The following AFAP1L2 variants were observed in gnomAD, a reference collection of about 807,000 sequenced individuals.
The protein encoded by AFAP1L2 is actin filament associated protein 1 like 2.
AFAP1L2 carries 46 observed loss-of-function variants against 99.3 expected under a neutral mutation model. The observed-to-expected ratio is 0.46, with a 90% confidence interval of 0.37 to 0.59. The LOEUF (loss-of-function observed/expected upper bound fraction) is 0.59. Among genes scored for constraint, AFAP1L2 ranks in the 20% least tolerant of loss-of-function variants. The pLI, the probability that AFAP1L2 is intolerant of heterozygous loss-of-function variation, is 0.00. For synonymous variants in AFAP1L2, 397 were observed against 419.1 expected (o/e 0.95, Z 0.64); for missense variants, 959 against 1,034.9 (o/e 0.93, Z 1.01).
Position 114,307,796 on chromosome 10 carries a change from A to G in AFAP1L2, c.1072+9T>C. ...AGCCTGTGGTCCCGGAGGTAGCTAC[A>G]ATTCTTACTGGATGTCTCGAGGGAC... is the stretch of plus-strand genomic sequence containing the variant. On this transcript the variant is annotated intron_variant, in intron 10 of 18. Transcript: ENST00000304129. 6.2e-7 allele frequency: 1 copy of G among 1,611,722 alleles called. No homozygotes were observed. The highest frequency in any genetic ancestry group is 8.5e-7 in the Non-Finnish European group (1 of 1,178,038).
chr10:114,296,591 CTATG>C (rs1238422755), intron 18 of AFAP1L2: 1 of 238,600 alleles, frequency 4.2e-6, no homozygotes, highest in African/African-American at 2.2e-5. Flanking sequence ...TTCAAACCAC[CTATG>C]TGAGTCTGTT....
intron 5 of AFAP1L2, among the ~76,000 whole-genome samples, chr10:114,322,136 C>T (rs948365931): frequency 1.1e-4 from 16 of 152,196 alleles, no homozygotes; most frequent in Non-Finnish European, 8.8e-5. Context: ...CTTTGCTCTT[C>T]GTCTTCCACC....
At chr10:114,287,425 C>A in the AFAP1L2 span, among the ~76,000 whole-genome samples, 1 of 152,106 alleles carries the variant, frequency 6.6e-6, no homozygotes, top group Non-Finnish European at 1.5e-5. Context: ...AAGCAATCCA[C>A]CCACCTCAGC....
intron 1 of AFAP1L2, among the ~76,000 whole-genome samples, chr10:114,375,365 C>T (rs1020406141): frequency 1.3e-5 from 2 of 152,174 alleles, no homozygotes; most frequent in African/African-American, 4.8e-5. Flanking sequence ...AGCCCCAATT[C>T]TAGAGCAGGC....
intron 18 of AFAP1L2, 21 bp from the exon 19 acceptor site, chr10:114,296,089 C>G: frequency 7.4e-6 from 12 of 1,614,082 alleles, no homozygotes; most frequent in African/African-American, 1.3e-5. Context: ...ATTCAAATAC[C>G]AGCACCCACC....
intron 1 of AFAP1L2, among the ~76,000 whole-genome samples, chr10:114,347,002 T>C (rs1393176599): frequency 6.6e-6 from 1 of 152,240 alleles, no homozygotes; most frequent in East Asian, 1.9e-4. Context: ...CCTGCTGTTC[T>C]ATGCACACAT....
chr10:114,342,465 G>A (rs1419654049), intron 1 of AFAP1L2, among the ~76,000 whole-genome samples: 2 of 152,216 alleles, frequency 1.3e-5, no homozygotes, highest in African/African-American at 2.4e-5. Flanking sequence ...CCTCAAATCT[G>A]TGAATATGCT....
intron 10 of AFAP1L2, among the ~76,000 whole-genome samples, chr10:114,305,334 T>C (rs2042019670): frequency 7.0e-6 from 1 of 143,226 alleles, no homozygotes; most frequent in African/African-American, 2.7e-5. Flanking sequence ...GGGTCGCGGA[T>C]GCAGGAGGGG....
At chr10:114,314,108 T>G (rs2043727768) in intron 6 of AFAP1L2, 58 bp from the exon 7 acceptor site, 10 of 1,545,238 alleles carry the variant, frequency 6.5e-6, no homozygotes, top group Middle Eastern at 1.7e-4. Context: ...GGAGGTGATG[T>G]CTGCAAAGGA....
intron 4 of AFAP1L2, among the ~76,000 whole-genome samples, chr10:114,329,246 G>A (rs2046885049): frequency 6.6e-6 from 1 of 152,164 alleles, no homozygotes; most frequent in Non-Finnish European, 1.5e-5. Context: ...CACACTCAGT[G>A]TCTGAGGCAC....
At chr10:114,349,383 C>CAAAAA (rs113553514) in intron 1 of AFAP1L2, among the ~76,000 whole-genome samples, 81 of 85,012 alleles carry the variant, frequency 9.5e-4, no homozygotes, top group Middle Eastern at 7.0e-3. Context: ...AACTCGGTCT[C>CAAAAA]AAAAAAAAAA....
At chr10:114,367,384 A>G (rs1040375725) in intron 1 of AFAP1L2, among the ~76,000 whole-genome samples, 4 of 152,298 alleles carry the variant, frequency 2.6e-5, no homozygotes, top group Admixed American at 2.6e-4. Flanking sequence ...TTCCATCCCT[A>G]AAATGCCAGG....
In AFAP1L2 at chr10:114,299,323, C is replaced by T; in HGVS notation, c.2050G>A (p.Gly684Arg). 4 of 1,614,250 alleles carry T rather than the reference C, an allele frequency of 2.5e-6. No individual in the cohort carries two copies. The highest frequency in any genetic ancestry group is 2.5e-6 in the Non-Finnish European group (3 of 1,180,046). ...TCTTTCCGGAGCTGAGCCAGGTGCC[C>T]CCGGATTTCTTCCTTCTTCTTTTCA... is the stretch of plus-strand genomic sequence containing the variant. ...RLEKKKEEIR[G>R]HLAQLRKEKR... Residue 684 changes from glycine (G) to arginine (R), a missense_variant, in exon 16 of 19, where the codon GGG becomes AGG. Coordinates refer to ENST00000304129, the MANE Select transcript of AFAP1L2 (RefSeq NM_001001936.3).
intron 6 of AFAP1L2, among the ~76,000 whole-genome samples, 192 bp downstream of exon 6, chr10:114,315,368 T>C (rs2043952247): frequency 6.6e-6 from 1 of 152,150 alleles, no homozygotes; most frequent in African/African-American, 2.4e-5. Flanking sequence ...ACCTTTCTGG[T>C]TCAGAAAAAG....
At chr10:114,384,849 T>C (rs2056293004) in intron 1 of AFAP1L2, among the ~76,000 whole-genome samples, 1 of 152,094 alleles carries the variant, frequency 6.6e-6, no homozygotes, top group Non-Finnish European at 1.5e-5. Context: ...TTCCAAAGGC[T>C]CCAGGCCTGG....
At chr10:114,351,648 C>T (rs1233154449) in intron 1 of AFAP1L2, among the ~76,000 whole-genome samples, 2 of 152,194 alleles carry the variant, frequency 1.3e-5, no homozygotes. Flanking sequence ...CTTCAAGGAA[C>T]CTGGGCAGGA....
intron 5 of AFAP1L2, among the ~76,000 whole-genome samples, chr10:114,321,511 G>A (rs921154005): frequency 6.6e-6 from 1 of 152,138 alleles, no homozygotes; most frequent in Non-Finnish European, 1.5e-5. Flanking sequence ...ATTGGTTGAT[G>A]GCACTTAGGT....
At chr10:114,375,633 T>C (rs2054692451) in intron 1 of AFAP1L2, among the ~76,000 whole-genome samples, 1 of 152,174 alleles carries the variant, frequency 6.6e-6, no homozygotes, top group African/African-American at 2.4e-5. Flanking sequence ...ATTCTTAGCT[T>C]GAAGGCCCTT....
rs546501439 is a variant in AFAP1L2 at position 114,307,041 on chromosome 10, C to A, written c.1072+764G>T. On this transcript the variant is annotated intron_variant, in intron 10 of 18. Coordinates refer to ENST00000304129, the MANE Select transcript of AFAP1L2 (RefSeq NM_001001936.3). ...GCCTTCAGGCCCCTGGAAGGATGAC[C>A]CCCAATGTGGGACCCGCTTGGGGAT... 2.6e-5 allele frequency among the ~76,000 whole-genome samples: 4 copies of A among 152,252 alleles called. No individual in the cohort carries two copies. The South Asian group carries it at 8.3e-4, about 32-fold the overall frequency.
Sources: gnomAD v4.1 joint callset for allele counts (sites outside exome capture counted in the v4.1 genomes callset) on GRCh38, gnomAD v4.1.1 for gene constraint, MANE v1.5 for transcripts, NCBI Gene and HGNC (gene_info 2026-07-23, HGNC 2026-07-21) for gene names.